ST3GAL3: variants seen among roughly 807,000 people sequenced by gnomAD.
ST3GAL3 encodes CMP-N-acetylneuraminate-beta-1,4-galactoside alpha-2,3-sialyltransferase.
ST3GAL3 carries 21 observed loss-of-function variants against 50.1 expected under a neutral mutation model. The observed-to-expected ratio is 0.42, with a 90% CI of 0.30 to 0.60. The LOEUF is 0.60. Ranked by LOEUF, ST3GAL3 falls within the 20% of genes least tolerant of loss-of-function variation. The pLI, the probability that ST3GAL3 is intolerant of heterozygous loss-of-function variation, is 0.19. For missense variants in ST3GAL3, 353 were observed against 489.4 expected (o/e 0.72, Z 2.63); for synonymous variants, 183 against 190.0 (o/e 0.96, Z 0.30).
intron 5 of ST3GAL3, among the ~76,000 whole-genome samples, chr1:43,880,944 G>T (rs111412132): frequency 6.6e-6 from 1 of 151,842 alleles, no homozygotes; most frequent in African/African-American, 2.4e-5. Context: ...CGTTGATCAT[G>T]TATTTCATAA....
At chr1:43,830,678 GC>G (rs1345128746) in intron 4 of ST3GAL3, among the ~76,000 whole-genome samples, 1 of 152,144 alleles carries the variant, frequency 6.6e-6, no homozygotes, top group African/African-American at 2.4e-5. Flanking sequence ...ATGAGATATA[GC>G]CCTTCCACTG....
intron 7 of ST3GAL3, chr1:43,898,527 G>A: frequency 1.6e-6 from 1 of 613,520 alleles, no homozygotes; most frequent in Non-Finnish European, 3.0e-6. Context: ...TCAGATACCA[G>A]AGGTTTGAGG....
In ST3GAL3 at chr1:43,726,119, A is replaced by G. The variant is rs542386438; in HGVS notation, c.-30-10114A>G. On this transcript the variant is annotated intron_variant, in intron 1 of 11. Coordinates refer to ENST00000347631, the MANE Select transcript of ST3GAL3 (RefSeq NM_006279.5). ...CTTTTTAACTTTTCATTTTGAAATA[A>G]CTTCTTATTTACAAAAGAGTTGTAG... is the stretch of plus-strand genomic sequence containing the variant. Among the ~76,000 whole-genome samples the G allele has an allele frequency of 2.0e-3, 303 of 152,226 alleles. 1 individual carries two copies. The highest frequency in any genetic ancestry group is 3.3e-3 in the Non-Finnish European group (223 of 68,008).
intron 5 of ST3GAL3, among the ~76,000 whole-genome samples, chr1:43,883,244 C>T (rs904556838): frequency 7.9e-5 from 12 of 152,142 alleles, no homozygotes; most frequent in East Asian, 1.9e-4. Flanking sequence ...GCTGGGATTA[C>T]AGGCATGAGC....
chr1:43,850,612 C>T (rs2067107701), intron 5 of ST3GAL3: 6 of 760,220 alleles, frequency 7.9e-6, no homozygotes, highest in South Asian at 7.0e-5. Flanking sequence ...ATAGAACAGG[C>T]TTCTAGGACC....
At chr1:43,839,950 T>TA (rs1245040629) in intron 5 of ST3GAL3, 2 of 151,826 alleles carry the variant, frequency 1.3e-5, no homozygotes, top group East Asian at 3.9e-4. Flanking sequence ...GGGATGGTGC[T>TA]AAGTCATTCA....
chr1:43,709,791 G>A (rs1663660548), intron 1 of ST3GAL3, among the ~76,000 whole-genome samples: 2 of 152,080 alleles, frequency 1.3e-5, no homozygotes, highest in Admixed American at 1.3e-4. Flanking sequence ...AGGTTGCAAT[G>A]AGCCGAGATC....
chr1:43,783,289 C>T (rs1434275335), intron 2 of ST3GAL3, among the ~76,000 whole-genome samples: 1 of 152,202 alleles, frequency 6.6e-6, no homozygotes, highest in Admixed American at 6.5e-5. Context: ...TTTCTGCCCT[C>T]CCTGTTCTCC....
At chr1:43,918,119 C>CTCTCTTT (rs56052310) in intron 9 of ST3GAL3, among the ~76,000 whole-genome samples, 74 of 133,904 alleles carry the variant, frequency 5.5e-4, no homozygotes, top group Middle Eastern at 3.8e-3. Context: ...TTTTCTTTCT[C>CTCTCTTT]TTTTTTTTTT....
At chr1:43,917,511 A>ATATAATATATAT (rs2082102673) in intron 9 of ST3GAL3, among the ~76,000 whole-genome samples, 1 of 59,294 alleles carries the variant, frequency 1.7e-5, no homozygotes, top group Non-Finnish European at 3.2e-5. Context: ...ATATTATATA[A>ATATAATATATAT]TATAATATAT....
At chr1:43,850,582 A>T in intron 5 of ST3GAL3, 1 of 744,184 alleles carries the variant, frequency 1.3e-6, no homozygotes, top group Non-Finnish European at 2.5e-6. Flanking sequence ...TCATCTGGGC[A>T]GGTGTTCTTG....
chr1:43,858,369 A>G (rs1254775853), intron 5 of ST3GAL3: 1 of 1,207,892 alleles, frequency 8.3e-7, no homozygotes, highest in Non-Finnish European at 1.1e-6. Context: ...TTTGCAGACC[A>G]GTTCCAGGCT....
chr1:43,823,168 C>A (rs1228275217), intron 4 of ST3GAL3, among the ~76,000 whole-genome samples: 2 of 152,096 alleles, frequency 1.3e-5, no homozygotes, highest in African/African-American at 4.8e-5. Context: ...TCTCTGTGGT[C>A]TATTTCCACA....
At chr1:43,772,006 CTG>C (rs1695428786) in intron 2 of ST3GAL3, 1 of 395,230 alleles carries the variant, frequency 2.5e-6, no homozygotes. Context: ...TGACTTGAAA[CTG>C]AGCGTATCCT....
intron 1 of ST3GAL3, among the ~76,000 whole-genome samples, chr1:43,723,001 TG>T (rs943093972): frequency 1.3e-5 from 2 of 152,100 alleles, no homozygotes; most frequent in African/African-American, 2.4e-5. Flanking sequence ...CTTTGGGTCA[TG>T]GGGGCGGATC....
chr1:43,759,447 AAAAC>A (rs1689477217), intron 2 of ST3GAL3, among the ~76,000 whole-genome samples: 1 of 152,340 alleles, frequency 6.6e-6, no homozygotes, highest in African/African-American at 2.4e-5. Context: ...CCATCTCAAA[AAAAC>A]AAACAAACAA....
chr1:43,741,438 T>C (rs1252527363), intron 2 of ST3GAL3, among the ~76,000 whole-genome samples: 2 of 152,256 alleles, frequency 1.3e-5, no homozygotes, highest in African/African-American at 2.4e-5. Context: ...ACCAGATAAA[T>C]TATAAAATAT....
intron 2 of ST3GAL3, among the ~76,000 whole-genome samples, chr1:43,785,377 C>T (rs1372999826): frequency 6.6e-6 from 1 of 152,138 alleles, no homozygotes; most frequent in African/African-American, 2.4e-5. Flanking sequence ...ACACAGCCAT[C>T]CAGAAGGTAG....
At chr1:43,912,658 G>A (rs2081131423) in intron 9 of ST3GAL3, 1 of 152,334 alleles carries the variant, frequency 6.6e-6, no homozygotes, top group Admixed American at 6.5e-5. Context: ...TGCTGTGAAA[G>A]CCTACCATGG....
Sources: gnomAD v4.1 joint callset for allele counts (sites outside exome capture counted in the v4.1 genomes callset) on GRCh38, gnomAD v4.1.1 for gene constraint, MANE v1.5 for transcripts, NCBI Gene and HGNC (gene_info 2026-07-23, HGNC 2026-07-21) for gene names.